The following TNIK variants were observed in gnomAD, a reference collection of about 807,000 sequenced individuals.
TNIK encodes TRAF2 and NCK interacting kinase.
A neutral mutation model predicts 191.3 loss-of-function variants in TNIK; 49 were observed. The ratio of observed to expected loss-of-function variants is 0.26; its 90% CI spans 0.20 to 0.32. TNIK has a LOEUF of 0.32. Among genes scored for constraint, TNIK ranks in the 10% least tolerant of loss-of-function variants. The pLI is 1.00. For synonymous variants in TNIK, 594 were observed against 600.9 expected (o/e 0.99, Z 0.17); for missense variants, 1,155 against 1,702.3 (o/e 0.68, Z 5.66).
intron 1 of TNIK, among the ~76,000 whole-genome samples, chr3:171,385,087 G>C (rs1718549409): frequency 6.6e-6 from 1 of 152,176 alleles, no homozygotes; most frequent in African/African-American, 2.4e-5. Flanking sequence ...GGCCAAACAT[G>C]AAGGGCACAC....
chr3:171,367,381 C>T (rs1468724584), intron 2 of TNIK, among the ~76,000 whole-genome samples: 2 of 149,162 alleles, frequency 1.3e-5, no homozygotes, highest in Admixed American at 6.9e-5. Context: ...CACCTAACAT[C>T]GTCTGGTTGC....
chr3:171,401,089 T>C (rs575450750), intron 1 of TNIK, among the ~76,000 whole-genome samples: 3 of 152,054 alleles, frequency 2.0e-5, no homozygotes, highest in Non-Finnish European at 2.9e-5. Context: ...GAGACAGGAA[T>C]AATGAGAGCA....
At chr3:171,287,247 C>A (rs1751113434) in intron 2 of TNIK, among the ~76,000 whole-genome samples, 1 of 152,170 alleles carries the variant, frequency 6.6e-6, no homozygotes, top group Admixed American at 6.5e-5. Context: ...CAAAAATTCT[C>A]ATTTTCATTG....
intron 18 of TNIK, among the ~76,000 whole-genome samples, chr3:171,114,368 G>C (rs1018368639): frequency 2.0e-5 from 3 of 152,222 alleles, no homozygotes; most frequent in Admixed American, 6.5e-5. Flanking sequence ...ACTCTGTACT[G>C]TGTTGGATGT....
At chr3:171,193,858 C>T (rs1389368935) in intron 5 of TNIK, among the ~76,000 whole-genome samples, 1 of 152,038 alleles carries the variant, frequency 6.6e-6, no homozygotes, top group Non-Finnish European at 1.5e-5. Flanking sequence ...TAAAATATGC[C>T]CAGTTACTTT....
chr3:171,116,371 T>C (rs1726697210), intron 18 of TNIK, among the ~76,000 whole-genome samples: 1 of 152,262 alleles, frequency 6.6e-6, no homozygotes, highest in South Asian at 2.1e-4. Flanking sequence ...AATGGATTTC[T>C]TTAAATGCTA....
At chr3:171,341,621 C>T (rs1172468283) in intron 2 of TNIK, among the ~76,000 whole-genome samples, 2 of 151,244 alleles carry the variant, frequency 1.3e-5, no homozygotes, top group Admixed American at 1.3e-4. Flanking sequence ...TGGCAGAAAG[C>T]CCAAGGCATT....
intron 11 of TNIK, among the ~76,000 whole-genome samples, chr3:171,160,568 C>T (rs1733859683): frequency 6.6e-6 from 1 of 151,888 alleles, no homozygotes; most frequent in Admixed American, 6.6e-5. Flanking sequence ...CTCCTTGACT[C>T]AACAAGCTGA....
intron 1 of TNIK, among the ~76,000 whole-genome samples, chr3:171,431,638 A>T (rs1480892032): frequency 2.6e-5 from 4 of 152,158 alleles, no homozygotes; most frequent in African/African-American, 4.8e-5. Flanking sequence ...ACTTAGGAGG[A>T]TACTGCTTTT....
intron 2 of TNIK, among the ~76,000 whole-genome samples, chr3:171,262,322 A>G (rs1444513008): frequency 6.6e-6 from 1 of 152,000 alleles, no homozygotes; most frequent in Admixed American, 6.6e-5. Flanking sequence ...CTCCTCTGTG[A>G]TATCAGCCTG....
chr3:171,334,256 TGCTCTCTCTC>T (rs1756721269), intron 2 of TNIK, among the ~76,000 whole-genome samples: 1 of 152,224 alleles, frequency 6.6e-6, no homozygotes. Context: ...TGTTTGCCCT[TGCTCTCTCTC>T]GCTCTCTCCT....
At chr3:171,275,175 A>C (rs180758874) in intron 2 of TNIK, among the ~76,000 whole-genome samples, 36 of 152,318 alleles carry the variant, frequency 2.4e-4, no homozygotes, top group African/African-American at 8.2e-4. Flanking sequence ...AAGAAATTGG[A>C]AGATTCAGAG....
At chr3:171,459,487 C>T (rs935570197) in intron 1 of TNIK, among the ~76,000 whole-genome samples, 3 of 152,188 alleles carry the variant, frequency 2.0e-5, no homozygotes, top group African/African-American at 4.8e-5. Flanking sequence ...ATCTACAAGA[C>T]CAGCATAGCA....
rs201827887 is a variant in TNIK, at chr3:171,205,489, T to C, written c.306+5627A>G. ...GTTACCTGCAGTTAATTGCATTTAA[T>C]TGAAGTGGGGTAAGTTGAATGTGAT... On this transcript the variant is annotated intron_variant, in intron 4 of 32. Transcript: ENST00000436636. Among the ~76,000 whole-genome samples the C allele has an allele frequency of 2.8e-4, 42 of 152,328 alleles. No homozygotes were observed. In the East Asian group the frequency reaches 7.1e-3, roughly 26 times the overall value.
Position 171,167,251 on chromosome 3 carries a change from A to G in TNIK, c.793T>C (p.Phe265Leu). 6.2e-7 allele frequency: 1 copy of G among 1,612,662 alleles called. No individual in the cohort carries two copies. The highest frequency in any genetic ancestry group is 8.5e-7 in the Non-Finnish European group (1 of 1,179,444). The change falls in exon 10 of 33, where the codon TTT becomes CTT. Residue 265 changes from phenylalanine to leucine, a missense_variant. This residue lies in a region of TNIK where 225 missense variants were observed against 438.9 expected (regional missense o/e 0.51). Transcript: ENST00000436636. ...TTCTTTACCAAGCAGCTCTCAATAA[A>G]TGACTGGAATTTTTTTGACCTGCCA... is the stretch of plus-strand genomic sequence containing the variant. ...SKKWSKKFQS[F>L]IESCLVKNHS...
intron 15 of TNIK, among the ~76,000 whole-genome samples, chr3:171,130,314 C>T (rs1344871872): frequency 6.6e-6 from 1 of 152,068 alleles, no homozygotes; most frequent in Admixed American, 6.5e-5. Flanking sequence ...GAAAAACAGC[C>T]CTCCTGCCTC....
At chr3:171,206,140 G>A (rs1740043053) in intron 4 of TNIK, among the ~76,000 whole-genome samples, 1 of 151,968 alleles carries the variant, frequency 6.6e-6, no homozygotes, top group Non-Finnish European at 1.5e-5. Context: ...AATGTAAGCT[G>A]CATTAAAATA....
intron 1 of TNIK, among the ~76,000 whole-genome samples, chr3:171,400,889 A>G (rs1720872960): frequency 6.6e-6 from 1 of 152,164 alleles, no homozygotes; most frequent in Non-Finnish European, 1.5e-5. Context: ...TCTCTACCAG[A>G]TTCAGGGAGG....
At chr3:171,186,690 C>A (rs1737405539) in intron 7 of TNIK, among the ~76,000 whole-genome samples, 2 of 152,148 alleles carry the variant, frequency 1.3e-5, no homozygotes, top group Admixed American at 1.3e-4. Context: ...TTTAAAAAAA[C>A]ACACAGACAT....
Sources: allele counts gnomAD v4.1 joint callset (sites outside exome capture counted in the v4.1 genomes callset), GRCh38; gene constraint gnomAD v4.1.1; regional missense constraint gnomAD v4.1.1; transcripts MANE v1.5; gene names NCBI Gene and HGNC (gene_info 2026-07-23, HGNC 2026-07-21).